The following MYH7B variants were observed in gnomAD, a reference collection of about 807,000 sequenced individuals.
MYH7B encodes myosin heavy chain 7B, also known as myosin-7B.
In MYH7B, 205 loss-of-function variants were observed where a neutral mutation model predicts 234.5. That is an observed-to-expected ratio of 0.87 (90% CI 0.78 to 0.98). The LOEUF is 0.98. Among genes scored for constraint, MYH7B ranks in the 50% least tolerant of loss-of-function variants. The pLI is 0.00. For synonymous variants in MYH7B, 1,193 were observed against 1,105.0 expected, an observed-to-expected ratio of 1.08 and a Z score of -1.58; for missense variants, 2,652 against 2,633.4, an observed-to-expected ratio of 1.01 and a Z score of -0.15.
intron 2 of MYH7B, among the ~76,000 whole-genome samples, chr20:34,974,544 C>T (rs1285010314): frequency 2.6e-5 from 4 of 152,118 alleles, no homozygotes; most frequent in African/African-American, 9.7e-5. Context: ...GGCTTGGTTT[C>T]TCAGCCCCAG....
exon 41 of MYH7B, chr20:35,001,064 A>G (rs2082367795): frequency 6.2e-7 from 1 of 1,613,842 alleles, no homozygotes; most frequent in African/African-American, 1.3e-5. Context: ...AAGACGCTGG[A>G]GCAGACGGTG....
intron 9 of MYH7B, 69 bp from the exon 10 acceptor site, chr20:34,982,390 G>T: frequency 7.4e-7 from 1 of 1,352,242 alleles, no homozygotes; most frequent in Non-Finnish European, 1.1e-6. Context: ...TGCTTGAGGG[G>T]TGAGGCATTG....
intron 27 of MYH7B, 79 bp from the exon 28 acceptor site, chr20:34,995,257 C>T (rs533127292): frequency 2.0e-6 from 3 of 1,470,894 alleles, no homozygotes; most frequent in Admixed American, 3.7e-5. Context: ...GCAGTTTCCT[C>T]TCCAGGGCCT....
intron 2 of MYH7B, among the ~76,000 whole-genome samples, chr20:34,969,669 C>T (rs948112585): frequency 1.3e-5 from 2 of 151,814 alleles, no homozygotes; most frequent in Non-Finnish European, 1.5e-5. Flanking sequence ...CTCAGCCTCC[C>T]GAGTAGCTGG....
Position 34,980,511 on chromosome 20 carries a change from C to A in MYH7B, c.343-67C>A, listed in dbSNP as rs1043899248. The A allele has an allele frequency of 3.6e-6, 5 of 1,404,298 alleles. No individual in the cohort carries two copies. In the African/African-American group the frequency reaches 7.1e-5, roughly 20 times the overall value. 87.0% of individuals were successfully genotyped at this position (1,404,298 alleles called of 1,614,324 possible). On this transcript the variant is annotated intron_variant, in intron 7 of 44. Coordinates refer to ENST00000262873, the Ensembl canonical transcript of MYH7B. ...CGAGATCATGCCGTTGTACTCCAGC[C>A]TGGGAGACAGAGCAAGACTCCATCT...
chr20:34,983,298 C>CTTTTTTTTTTTTTTTTT (rs57589264), intron 10 of MYH7B, among the ~76,000 whole-genome samples: 1 of 71,668 alleles, frequency 1.4e-5, no homozygotes. Context: ...CTTTTCTTTT[C>CTTTTTTTTTTTTTTTTT]TTTTTTTTTT....
intron 37 of MYH7B, 30 bp from the exon 38 acceptor site, chr20:34,999,761 C>T (rs759077013): frequency 1.8e-5 from 18 of 1,015,690 alleles, no homozygotes; most frequent in South Asian, 3.6e-5. Flanking sequence ...CCCCCCCCCC[C>T]ACCCTACCCT....
At chr20:34,993,077 G>T in intron 24 of MYH7B, 25 bp from the exon 25 acceptor site, 1 of 1,603,694 alleles carries the variant, frequency 6.2e-7, no homozygotes, top group South Asian at 1.1e-5. Context: ...GCCCTCTCCT[G>T]ACCAGCTCTG....
intron 13 of MYH7B, among the ~76,000 whole-genome samples, chr20:34,985,337 G>C (rs375980119): frequency 6.6e-6 from 1 of 152,000 alleles, no homozygotes; most frequent in Non-Finnish European, 1.5e-5. Flanking sequence ...TCCTCTACGC[G>C]GCCATAGTTT....
At chr20:34,973,092 T>C (rs1333428297) in intron 2 of MYH7B, among the ~76,000 whole-genome samples, 9 of 152,126 alleles carry the variant, frequency 5.9e-5, no homozygotes, top group Admixed American at 5.9e-4. Context: ...CAGGATAAAG[T>C]TCCAGATCTG....
Position 34,991,138 on chromosome 20 carries a change from C to A in MYH7B, c.2183+17C>A, listed in dbSNP as rs747592611. 24 of 1,563,132 alleles carry A rather than the reference C, an allele frequency of 1.5e-5. No individual in the cohort carries two copies. In the East Asian group the frequency reaches 4.7e-4, roughly 31 times the overall value. Reference sequence around the variant, plus strand: ...CCGGCAGCGGTGGGTGACCCCTTCCCCCTGCCTGCTGCTCCAGGTGGAGGC... The same window carrying A: ...CCGGCAGCGGTGGGTGACCCCTTCCACCTGCCTGCTGCTCCAGGTGGAGGC... On this transcript the variant is annotated intron_variant, in intron 24 of 44. Transcript: ENST00000262873.
intron 2 of MYH7B, among the ~76,000 whole-genome samples, chr20:34,971,806 A>C (rs1195396329): frequency 6.6e-6 from 1 of 152,204 alleles, no homozygotes; most frequent in African/African-American, 2.4e-5. Flanking sequence ...AAAATAAATA[A>C]ATAAAAATGC....
chr20:34,961,102 C>T (rs770097243), intron 2 of MYH7B, among the ~76,000 whole-genome samples: 1 of 152,090 alleles, frequency 6.6e-6, no homozygotes, highest in Non-Finnish European at 1.5e-5. Context: ...GTTCCCAGTC[C>T]GGCTCTCATT....
chr20:34,999,453 G>A (rs895051974), intron 36 of MYH7B, 48 bp downstream of exon 36: 1 of 1,519,898 alleles, frequency 6.6e-7, no homozygotes, highest in Non-Finnish European at 8.8e-7. Flanking sequence ...TGGGGTCGGA[G>A]CAACTTTGAG....
chr20:34,959,040 T>C (rs2081667448), intron 2 of MYH7B, among the ~76,000 whole-genome samples: 1 of 152,200 alleles, frequency 6.6e-6, no homozygotes, highest in South Asian at 2.1e-4. Context: ...CCTCATTTAA[T>C]CCCTTCACAG....
chr20:34,990,365 C>T lies in MYH7B; in HGVS notation c.1977+55C>T, dbSNP rs1159475016. 6.9e-6 allele frequency: 11 copies of T among 1,591,324 alleles called. No individual in the cohort carries two copies. The Admixed American group carries it at 1.5e-4, about 22-fold the overall frequency. On this transcript the variant is annotated intron_variant, in intron 22 of 44. Transcript: ENST00000262873. Reference sequence around the variant, plus strand: ...CCTCTTGGCAGCCTCCAGCCCCGTCCTTCACCCCCTGCCCTGTCCCCTGTG... The same window carrying T: ...CCTCTTGGCAGCCTCCAGCCCCGTCTTTCACCCCCTGCCCTGTCCCCTGTG...
At chr20:34,980,729 T>C in exon 8 of MYH7B, 1 of 1,613,644 alleles carries the variant, frequency 6.2e-7, no homozygotes, top group Non-Finnish European at 8.5e-7. Context: ...AACGACATGC[T>C]GCGCAGTAAG....
chr20:34,979,801 C>A, exon 7 of MYH7B: 1 of 1,613,266 alleles, frequency 6.2e-7, no homozygotes, highest in South Asian at 1.1e-5. Flanking sequence ...GCTGGATGAT[C>A]TATGTGAGCC....
At chr20:35,001,005 G>A in exon 41 of MYH7B, 2 of 1,613,892 alleles carry the variant, frequency 1.2e-6, no homozygotes, top group Middle Eastern at 1.7e-4. Context: ...TGATGGCCGA[G>A]GAGCTGAAGA....
Sources: allele counts gnomAD v4.1 joint callset (sites outside exome capture counted in the v4.1 genomes callset), GRCh38; gene constraint gnomAD v4.1.1; transcripts MANE v1.5; gene names NCBI Gene and HGNC (gene_info 2026-07-23, HGNC 2026-07-21).